The following FAM120B variants were observed in gnomAD, a reference collection of about 807,000 sequenced individuals.
The protein encoded by FAM120B is constitutive coactivator of peroxisome proliferator-activated receptor gamma.
A neutral mutation model predicts 96.3 loss-of-function variants in FAM120B; 83 were observed. The ratio of observed to expected loss-of-function variants is 0.86; its 90% confidence interval spans 0.72 to 1.03. The LOEUF (loss-of-function observed/expected upper bound fraction) is 1.03. FAM120B is among the 50% of genes least tolerant of loss of function. The probability of loss-of-function intolerance (pLI) is 0.00; values close to 1 mark genes in which losing one functional copy is unlikely to be tolerated. For missense variants in FAM120B, 1,027 were observed against 1,121.2 expected, an observed-to-expected ratio of 0.92 and a Z score of 1.20; for synonymous variants, 407 against 402.7, an observed-to-expected ratio of 1.01 and a Z score of -0.13.
intron 3 of FAM120B, 84 bp from the exon 4 acceptor site, chr6:170,330,365 A>G: frequency 9.8e-7 from 1 of 1,018,110 alleles, no homozygotes; most frequent in Middle Eastern, 2.1e-4. Context: ...TGAATTGGCC[A>G]CCTGGGCAGA....
intron 4 of FAM120B, among the ~76,000 whole-genome samples, chr6:170,334,974 G>A (rs1786313565): frequency 6.6e-6 from 1 of 151,522 alleles, no homozygotes; most frequent in Non-Finnish European, 1.5e-5. Flanking sequence ...ATTATAAATA[G>A]GCTTTTGAAT....
intron 1 of FAM120B, among the ~76,000 whole-genome samples, chr6:170,314,939 G>A (rs531633708): frequency 6.6e-6 from 1 of 152,338 alleles, no homozygotes; most frequent in Non-Finnish European, 1.5e-5. Context: ...AATTGGTCCT[G>A]TGTGTCTTGA....
chr6:170,338,106 C>A (rs1357531398), intron 4 of FAM120B, among the ~76,000 whole-genome samples: 1 of 152,126 alleles, frequency 6.6e-6, no homozygotes, highest in East Asian at 1.9e-4. Flanking sequence ...TTCTCTAGTT[C>A]TTTTAATTGT....
chr6:170,356,441 T>C (rs777892793), intron 5 of FAM120B, among the ~76,000 whole-genome samples: 9 of 152,224 alleles, frequency 5.9e-5, no homozygotes, highest in Non-Finnish European at 1.3e-4. Context: ...TACAGTTTTA[T>C]ATATTAAGCC....
At chr6:170,376,840 C>T (rs1312019775) in intron 6 of FAM120B, among the ~76,000 whole-genome samples, 3 of 152,158 alleles carry the variant, frequency 2.0e-5, no homozygotes, top group Admixed American at 1.3e-4. Flanking sequence ...ACAGGGGTTT[C>T]GGTAACCCCC....
At chr6:170,303,682 T>C (rs1784189131), upstream of FAM120B, among the ~76,000 whole-genome samples, 1 of 152,256 alleles carries the variant, frequency 6.6e-6, no homozygotes, top group Admixed American at 6.5e-5. Flanking sequence ...TGCACATTTA[T>C]GTAAACACAC....
chr6:170,300,980 C>A (rs1784128766), intron 1 of FAM120B, among the ~76,000 whole-genome samples: 12 of 152,170 alleles, frequency 7.9e-5, no homozygotes, highest in Admixed American at 7.9e-4. Flanking sequence ...GGTGGATCTA[C>A]CATTCTAGGG....
chr6:170,326,469 C>T (rs1460272654), intron 3 of FAM120B, among the ~76,000 whole-genome samples: 1 of 152,170 alleles, frequency 6.6e-6, no homozygotes, highest in African/African-American at 2.4e-5. Context: ...ACATAAATGG[C>T]AGCATACAAT....
chr6:170,383,035 T>G (rs1790000957), intron 6 of FAM120B, among the ~76,000 whole-genome samples: 1 of 149,878 alleles, frequency 6.7e-6, no homozygotes, highest in Admixed American at 6.7e-5. Flanking sequence ...CAAAAGCAAC[T>G]CATTGGAGGA....
In FAM120B at chr6:170,370,588, C is replaced by T. The variant is rs374312580; in HGVS notation, c.2283+12270C>T. Among the ~76,000 whole-genome samples the T allele has an allele frequency of 1.3e-5, 2 of 152,242 alleles. No homozygotes were observed. The highest frequency in any genetic ancestry group is 6.5e-5 in the Admixed American group (1 of 15,288). ...AACTCGGTAATATTACCCTCTGATC[C>T]TGTACCTGTCATTGTGGGATGTCCT... On this transcript the variant is annotated intron_variant, in intron 6 of 10. Coordinates refer to ENST00000476287, the MANE Select transcript of FAM120B (RefSeq NM_032448.3). This position sits in a 1 kb window ranked among gnomAD's most constrained non-coding sequence, Gnocchi z 4.3.
intron 3 of FAM120B, among the ~76,000 whole-genome samples, chr6:170,324,155 A>G (rs1785456054): frequency 1.3e-5 from 2 of 152,248 alleles, no homozygotes; most frequent in Non-Finnish European, 2.9e-5. Context: ...TGTTCCAGAA[A>G]GTGAACATTT....
chr6:170,291,047 CCCT>C, upstream of FAM120B: 3 of 701,978 alleles, frequency 4.3e-6, no homozygotes, highest in Non-Finnish European at 7.8e-6. Context: ...CTTTTCCAAA[CCCT>C]CCTCTCAATG....
upstream of FAM120B, chr6:170,290,776 C>T: frequency 3.8e-6 from 2 of 524,640 alleles, no homozygotes; most frequent in South Asian, 4.2e-5. This position sits in a 1 kb window ranked among gnomAD's most constrained non-coding sequence, Gnocchi z 4.7. Flanking sequence ...AGATCCGCGT[C>T]TTTCCGATGA....
intron 1 of FAM120B, among the ~76,000 whole-genome samples, chr6:170,314,055 T>C (rs1016691573): frequency 1.3e-5 from 2 of 152,276 alleles, no homozygotes; most frequent in Non-Finnish European, 2.9e-5. Flanking sequence ...AAGATTATAG[T>C]AAAGGAGCTT....
intron 1 of FAM120B, among the ~76,000 whole-genome samples, chr6:170,300,259 C>G (rs1009612666): frequency 2.0e-5 from 3 of 152,116 alleles, no homozygotes; most frequent in African/African-American, 7.2e-5. Context: ...ATGGCAGCAG[C>G]AAAGAGAAGT....
At chr6:170,303,668 C>CCT (rs1446426496), upstream of FAM120B, among the ~76,000 whole-genome samples, 10 of 152,224 alleles carry the variant, frequency 6.6e-5, no homozygotes, top group African/African-American at 2.4e-4. Context: ...ACTTCCTAGA[C>CCT]ACATGCACAT....
chr6:170,321,672 G>GC (rs1274885153), intron 2 of FAM120B, among the ~76,000 whole-genome samples: 1 of 152,174 alleles, frequency 6.6e-6, no homozygotes, highest in Non-Finnish European at 1.5e-5. Flanking sequence ...ACCGTTCCTG[G>GC]CCGGATAGTC....
chr6:170,349,020 A>G (rs922082094), intron 5 of FAM120B, among the ~76,000 whole-genome samples: 1 of 152,214 alleles, frequency 6.6e-6, no homozygotes, highest in Non-Finnish European at 1.5e-5. Context: ...TGAAAATCAT[A>G]AAAATCAGTT....
intron 1 of FAM120B, among the ~76,000 whole-genome samples, chr6:170,299,365 T>C (rs555433447): frequency 6.6e-6 from 1 of 152,380 alleles, no homozygotes; most frequent in Non-Finnish European, 1.5e-5. Flanking sequence ...GTTTCTGTAG[T>C]GACACTGTCT....
Sources: allele counts gnomAD v4.1 joint callset (sites outside exome capture counted in the v4.1 genomes callset), GRCh38; gene constraint gnomAD v4.1.1; non-coding constraint Gnocchi (gnomAD v3.1); transcripts MANE v1.5; gene names NCBI Gene and HGNC (gene_info 2026-07-23, HGNC 2026-07-21).